FBXL18: variants seen among roughly 807,000 people sequenced by gnomAD.
FBXL18 encodes F-box/LRR-repeat protein 18.
Under a neutral mutation model 46.0 loss-of-function variants are expected in FBXL18, and 36 were observed. The ratio of observed to expected loss-of-function variants is 0.78; its 90% CI spans 0.60 to 1.03. The LOEUF is 1.03. FBXL18 is among the 50% of genes least tolerant of loss of function. The pLI is 0.00. For missense variants in FBXL18, 977 were observed against 1,004.1 expected, an observed-to-expected ratio of 0.97 and a Z score of 0.36; for synonymous variants, 557 against 465.3, an observed-to-expected ratio of 1.20 and a Z score of -2.54.
At chr7:5,484,369 G>A (rs904003368) in intron 4 of FBXL18, among the ~76,000 whole-genome samples, 1 of 151,758 alleles carries the variant, frequency 6.6e-6, no homozygotes, top group Non-Finnish European at 1.5e-5. Flanking sequence ...TATTCGGAAG[G>A]CTGCGGCAGG....
intron 1 of FBXL18, among the ~76,000 whole-genome samples, chr7:5,510,622 G>C (rs1333623289): frequency 6.7e-6 from 1 of 149,978 alleles, no homozygotes; most frequent in African/African-American, 2.5e-5. Context: ...GGAAGTGGTG[G>C]CTTCAGTGAG....
chr7:5,491,804 G>A (rs1783934156), intron 3 of FBXL18, among the ~76,000 whole-genome samples: 1 of 152,212 alleles, frequency 6.6e-6, no homozygotes, highest in East Asian at 1.9e-4. Flanking sequence ...AAACGCTGGT[G>A]TGCTGGGCAG....
At position 5,476,892 on chromosome 7, in the gene FBXL18, T is replaced by G. The variant is rs1355259840; in HGVS notation, c.*4883A>C. 1.6e-5 allele frequency: 2 copies of G among 127,520 alleles called. No homozygotes were observed. Among genetic ancestry groups the G allele is most frequent in the African/African-American group, 3.0e-5 (1 of 33,550 alleles). The allele number at this position is 127,520 out of a possible 1,614,324, so 7.9% of individuals were successfully genotyped here. ...CCAGTAGATCTAGAAACTTCTTTTGTTTTTTTTTTTTTTGAGACGGAGTCT... is the reference window on the plus strand; with the variant it reads ...CCAGTAGATCTAGAAACTTCTTTTGGTTTTTTTTTTTTTGAGACGGAGTCT... On this transcript the variant is annotated 3_prime_UTR_variant, in exon 5 of 5. Coordinates refer to ENST00000382368, the MANE Select transcript of FBXL18 (RefSeq NM_024963.6).
chr7:5,488,690 CTG>C (rs1353648910), intron 4 of FBXL18, among the ~76,000 whole-genome samples: 2 of 152,322 alleles, frequency 1.3e-5, no homozygotes, highest in Non-Finnish European at 2.9e-5. Context: ...GCTGGAGGGC[CTG>C]TGAGTGGAGC....
intron 3 of FBXL18, among the ~76,000 whole-genome samples, chr7:5,493,688 T>C (rs62441014): frequency 0.45 from 63,124 of 140,922 alleles, 13,815 homozygotes; most frequent in East Asian, 0.7. Context: ...TGCGTGCGTG[T>C]GTGTGTGTGG....
intron 1 of FBXL18, among the ~76,000 whole-genome samples, chr7:5,510,872 T>G (rs1784514820): frequency 6.6e-6 from 1 of 152,110 alleles, no homozygotes. Context: ...ATTCCAATTC[T>G]GGTGTGAGTG....
In FBXL18 at chr7:5,481,104, AG is replaced by A. The variant is rs1783633938; in HGVS notation, c.*670del. On this transcript the variant is annotated 3_prime_UTR_variant, in exon 5 of 5. Coordinates refer to ENST00000382368, the MANE Select transcript of FBXL18 (RefSeq NM_024963.6). ...CCTGCTGGTTGGGCTGAAAAGTCAC[AG>A]GAGAGGCTCCAACCAGCAGTCCCAA... is the stretch of plus-strand genomic sequence containing the variant. The A allele has an allele frequency of 6.6e-6, 1 of 152,180 alleles. No individual in the cohort carries two copies. The highest frequency in any genetic ancestry group is 2.1e-4 in the South Asian group (1 of 4,832). The allele number at this position is 152,180 out of a possible 1,614,324, so 9.4% of individuals were successfully genotyped here.
At chr7:5,462,511 G>A (rs145721400) in intron 4 of FBXL18, among the ~76,000 whole-genome samples, 4 of 152,262 alleles carry the variant, frequency 2.6e-5, no homozygotes, top group East Asian at 3.9e-4. Flanking sequence ...TGGGTCAGGC[G>A]TTGCAGGCAG....
At chr7:5,495,924 C>A (rs1213905058) in intron 3 of FBXL18, 1 of 472,554 alleles carries the variant, frequency 2.1e-6, no homozygotes, top group Admixed American at 2.3e-5. Context: ...TGGAGTTTGT[C>A]CACAGAGATG....
intron 4 of FBXL18, among the ~76,000 whole-genome samples, chr7:5,488,706 G>A (rs1353644109): frequency 6.6e-6 from 1 of 152,228 alleles, no homozygotes; most frequent in Non-Finnish European, 1.5e-5. Context: ...GTGGAGCCCA[G>A]CCGCAAGCGC....
intron 4 of FBXL18, among the ~76,000 whole-genome samples, chr7:5,484,893 C>A (rs1459204004): frequency 6.6e-6 from 1 of 152,150 alleles, no homozygotes; most frequent in African/African-American, 2.4e-5. Flanking sequence ...CCCGCCTCAG[C>A]CTCCCAAAGT....
At chr7:5,469,012 G>C (rs1420737346) in intron 4 of FBXL18, among the ~76,000 whole-genome samples, 1 of 152,126 alleles carries the variant, frequency 6.6e-6, no homozygotes, top group Admixed American at 6.6e-5. Context: ...TGTGTGGTGT[G>C]CGGGTGTGAT....
At chr7:5,482,294 G>A (rs1783668038) in intron 4 of FBXL18, among the ~76,000 whole-genome samples, 1 of 152,182 alleles carries the variant, frequency 6.6e-6, no homozygotes, top group Admixed American at 6.5e-5. Flanking sequence ...GCAGATCCGA[G>A]GCCCCTGGCC....
chr7:5,482,032 C>T, intron 4 of FBXL18, 101 bp from the exon 5 acceptor site: 1 of 1,399,534 alleles, frequency 7.1e-7, no homozygotes, highest in Non-Finnish European at 9.6e-7. Context: ...CCTCCCCGTC[C>T]CGGGCTCACC....
In FBXL18 at chr7:5,481,799, C is replaced by T. The variant is rs1276453873; in HGVS notation, c.2133G>A (p.Glu711=). Residue 711 remains glutamate (E), a synonymous_variant, in exon 5 of 5, where the codon GAG becomes GAA. Transcript: ENST00000382368. ...CTCACCACCACAGGTTCGGCGGTTC[C>T]TCGGCCACTCTGCTCTTAAATAAGG... The part of the protein sequence containing the change: ...EITLFKSRVA[E]EPPNLWW 2 of 1,613,556 alleles carry T rather than the reference C, an allele frequency of 1.2e-6. No homozygotes were observed. The highest frequency in any genetic ancestry group is 1.7e-6 in the Non-Finnish European group (2 of 1,179,992).
At chr7:5,504,325 G>A (rs574119649) in intron 2 of FBXL18, among the ~76,000 whole-genome samples, 16 of 151,306 alleles carry the variant, frequency 1.1e-4, no homozygotes, top group African/African-American at 3.9e-4. Flanking sequence ...AGCTACTTAG[G>A]AGGCTGACCC....
rs370988736 is a variant in FBXL18, at chr7:5,481,827, A to G, written c.2105T>C (p.Ile702Thr). 2 of 1,613,718 alleles carry G rather than the reference A, an allele frequency of 1.2e-6. No homozygotes were observed. The highest frequency in any genetic ancestry group is 1.7e-6 in the Non-Finnish European group (2 of 1,179,960). ...GGCCACTCTGCTCTTAAATAAGGTG[A>G]TCTCATCCAGGTGCACCAGGGGGAC... ...RDVPLVHLDE[I>T]TLFKSRVAEE... The change falls in exon 5 of 5, where the codon ATC becomes ACC. Residue 702 changes from isoleucine to threonine, a missense_variant. Ile to Thr is a moderately conservative substitution (Grantham distance 89, BLOSUM62 -1). Coordinates refer to ENST00000382368, the MANE Select transcript of FBXL18 (RefSeq NM_024963.6).
chr7:5,461,458 C>A (rs969332979), intron 4 of FBXL18, among the ~76,000 whole-genome samples: 2 of 152,190 alleles, frequency 1.3e-5, no homozygotes, highest in Admixed American at 1.3e-4. Context: ...ACTTTTGCAC[C>A]AACCTAATTA....
chr7:5,499,731 CA>C (rs58187609), intron 3 of FBXL18, among the ~76,000 whole-genome samples: 84,719 of 115,646 alleles, frequency 0.73, 30,789 homozygotes, highest in East Asian at 0.88. Context: ...GACTCTGTCT[CA>C]AAAAAAAAAA....
Sources: gnomAD v4.1 joint callset for allele counts (sites outside exome capture counted in the v4.1 genomes callset) on GRCh38, gnomAD v4.1.1 for gene constraint, MANE v1.5 for transcripts, NCBI Gene and HGNC (gene_info 2026-07-23, HGNC 2026-07-21) for gene names.